LRP1B: variants seen among roughly 807,000 people sequenced by gnomAD.
The protein encoded by LRP1B is LDL receptor related protein 1B.
LRP1B carries 217 observed loss-of-function variants against 556.6 expected under a neutral mutation model. That is an observed-to-expected ratio of 0.39 (90% CI 0.35 to 0.44). The LOEUF (loss-of-function observed/expected upper bound fraction) is 0.44. Ranked by LOEUF, LRP1B falls within the 20% of genes least tolerant of loss-of-function variation. The pLI is 1.00. For synonymous variants in LRP1B, 2,047 were observed against 1,865.8 expected (o/e 1.10, Z -2.50); for missense variants, 5,053 against 5,620.8 (o/e 0.90, Z 3.23).
chr2:140,840,509 A>G (rs1391899980), intron 30 of LRP1B, among the ~76,000 whole-genome samples: 1 of 152,174 alleles, frequency 6.6e-6, no homozygotes, highest in Non-Finnish European at 1.5e-5. Context: ...AGCTCTATGC[A>G]AGCTCCCTTA....
rs180756592 is a variant in LRP1B, at chr2:140,430,744, C to T, written c.10414+11760G>A. Reference sequence around the variant, plus strand: ...AACCTCTTCCATGTAGGTTACAAGCCGCTAGCCCGTCTCTTAGAACATCTC... The same window carrying T: ...AACCTCTTCCATGTAGGTTACAAGCTGCTAGCCCGTCTCTTAGAACATCTC... On this transcript the variant is annotated intron_variant, in intron 66 of 90. Coordinates refer to ENST00000389484, the MANE Select transcript of LRP1B (RefSeq NM_018557.3). 1.3e-4 allele frequency among the ~76,000 whole-genome samples: 20 copies of T among 152,292 alleles called. No individual in the cohort carries two copies. The East Asian group carries it at 2.3e-3, about 18-fold the overall frequency.
intron 7 of LRP1B, among the ~76,000 whole-genome samples, chr2:141,188,179 G>A (rs1400834648): frequency 3.3e-5 from 5 of 151,944 alleles, no homozygotes; most frequent in Non-Finnish European, 7.4e-5. Flanking sequence ...GAAGGTGGAA[G>A]GGAAGATGGA....
chr2:140,606,250 GAC>G (rs1412979956), intron 41 of LRP1B, among the ~76,000 whole-genome samples: 2 of 151,684 alleles, frequency 1.3e-5, no homozygotes, highest in South Asian at 2.1e-4. Context: ...ACATTAAAAA[GAC>G]AATTTAATTT....
At chr2:140,397,969 T>G (rs906333412) in intron 66 of LRP1B, among the ~76,000 whole-genome samples, 2 of 152,108 alleles carry the variant, frequency 1.3e-5, no homozygotes, top group Admixed American at 1.3e-4. Context: ...TGTTATTTAC[T>G]TAGCAAAGAT....
chr2:140,660,617 T>A (rs1343093199), intron 41 of LRP1B, among the ~76,000 whole-genome samples: 5 of 152,108 alleles, frequency 3.3e-5, no homozygotes, highest in Non-Finnish European at 7.4e-5. Flanking sequence ...ACTTTCATCT[T>A]GAAACAAAGT....
intron 35 of LRP1B, among the ~76,000 whole-genome samples, chr2:140,722,543 A>G (rs1429477912): frequency 6.6e-6 from 1 of 152,190 alleles, no homozygotes; most frequent in Non-Finnish European, 1.5e-5. Context: ...TGGACAGGCC[A>G]GAAATTCTGA....
At chr2:142,054,184 G>A (rs114711342) in intron 1 of LRP1B, among the ~76,000 whole-genome samples, 1,912 of 152,140 alleles carry the variant, frequency 0.013, 40 homozygotes, top group African/African-American at 0.043. Flanking sequence ...ATGACATATT[G>A]GAGGATGGTA....
chr2:142,125,024 A>C (rs10496915), intron 1 of LRP1B, among the ~76,000 whole-genome samples: 37,285 of 151,580 alleles, frequency 0.25, 5,791 homozygotes, highest in African/African-American at 0.44. Context: ...TAGCCTAAAT[A>C]GAAAGGATGG....
At chr2:141,480,358 T>G in intron 3 of LRP1B, 38 bp downstream of exon 3, 1 of 1,611,050 alleles carries the variant, frequency 6.2e-7, no homozygotes, top group Non-Finnish European at 8.5e-7. Flanking sequence ...TATGTAAAAT[T>G]TAATATTTCA....
intron 77 of LRP1B, 32 bp downstream of exon 77, chr2:140,350,765 G>A (rs761885723): frequency 5.6e-6 from 9 of 1,596,426 alleles, no homozygotes; most frequent in Non-Finnish European, 7.7e-6. Context: ...GAAAAGGTAT[G>A]GACTTTCAAA....
chr2:141,410,974 A>G (rs1239117863), intron 3 of LRP1B, among the ~76,000 whole-genome samples: 2 of 152,004 alleles, frequency 1.3e-5, no homozygotes, highest in Admixed American at 1.3e-4. Context: ...TCTCCTAGCT[A>G]TACACATTTT....
At chr2:141,988,643 T>C (rs1702264152) in intron 1 of LRP1B, among the ~76,000 whole-genome samples, 1 of 152,040 alleles carries the variant, frequency 6.6e-6, no homozygotes, top group African/African-American at 2.4e-5. Context: ...AAAACTACTT[T>C]CACTTATCTC....
At chr2:141,825,794 A>G (rs1696900593) in intron 1 of LRP1B, among the ~76,000 whole-genome samples, 1 of 152,202 alleles carries the variant, frequency 6.6e-6, no homozygotes. Context: ...GGCCTAATGT[A>G]ACATTTTAAT....
chr2:141,510,902 ACACACACCC>A (rs748362433), intron 2 of LRP1B, among the ~76,000 whole-genome samples: 2 of 43,984 alleles, frequency 4.5e-5, no homozygotes, highest in African/African-American at 1.6e-4. Context: ...ACACACACAC[ACACACACCC>A]CACACAAACA....
At chr2:141,253,528 C>T (rs1684345671) in intron 4 of LRP1B, among the ~76,000 whole-genome samples, 1 of 152,096 alleles carries the variant, frequency 6.6e-6, no homozygotes, top group Admixed American at 6.6e-5. Context: ...GCTCTGCAGA[C>T]ATGAGTTTCA....
At chr2:140,883,297 C>T (rs893084370) in intron 25 of LRP1B, among the ~76,000 whole-genome samples, 1 of 152,100 alleles carries the variant, frequency 6.6e-6, no homozygotes, top group Non-Finnish European at 1.5e-5. Context: ...GTCTTTCAAA[C>T]CTCCTAACAG....
At chr2:141,591,019 T>G (rs1574113953) in intron 2 of LRP1B, among the ~76,000 whole-genome samples, 2 of 152,302 alleles carry the variant, frequency 1.3e-5, no homozygotes, top group East Asian at 3.9e-4. Context: ...CCATGGTAAA[T>G]AGCCTACGGT....
At chr2:141,576,569 T>A (rs946800697) in intron 2 of LRP1B, among the ~76,000 whole-genome samples, 3 of 152,032 alleles carry the variant, frequency 2.0e-5, no homozygotes, top group East Asian at 1.9e-4. Context: ...CCTCTTTTTT[T>A]TTAGAAGAAG....
chr2:140,618,746 A>G (rs1038837251), intron 41 of LRP1B, among the ~76,000 whole-genome samples: 7 of 152,044 alleles, frequency 4.6e-5, no homozygotes, highest in Non-Finnish European at 1.0e-4. Flanking sequence ...AGGGAATGAC[A>G]GGGGTCTGGG....
Sources: gnomAD v4.1 joint callset for allele counts (sites outside exome capture counted in the v4.1 genomes callset) on GRCh38, gnomAD v4.1.1 for gene constraint, MANE v1.5 for transcripts, NCBI Gene and HGNC (gene_info 2026-07-23, HGNC 2026-07-21) for gene names.